The following WASF3 variants were observed in gnomAD, a reference collection of about 807,000 sequenced individuals.
The protein encoded by WASF3 is WASP family member 3.
A neutral mutation model predicts 46.6 loss-of-function variants in WASF3; 11 were observed. The observed-to-expected ratio is 0.24, with a 90% CI of 0.15 to 0.39. The LOEUF is 0.39. Among genes scored for constraint, WASF3 ranks in the 10% least tolerant of loss-of-function variants. The pLI is 1.00. For missense variants in WASF3, 576 were observed against 669.8 expected (o/e 0.86, Z 1.55); for synonymous variants, 242 against 259.7 (o/e 0.93, Z 0.65).
chr13:26,572,015 T>C (rs939295120), intron 1 of WASF3, among the ~76,000 whole-genome samples: 26 of 152,258 alleles, frequency 1.7e-4, no homozygotes, highest in African/African-American at 6.0e-4. Flanking sequence ...TCTTTGTGTA[T>C]GTGAAGACTA....
At chr13:26,684,292 C>G (rs1030465006) in intron 9 of WASF3, among the ~76,000 whole-genome samples, 4 of 150,942 alleles carry the variant, frequency 2.7e-5, no homozygotes, top group African/African-American at 9.8e-5. Context: ...TTTTTAACAC[C>G]TTATAAGCCC....
chr13:26,669,050 A>G (rs1270489966), intron 5 of WASF3, among the ~76,000 whole-genome samples: 1 of 152,160 alleles, frequency 6.6e-6, no homozygotes, highest in Non-Finnish European at 1.5e-5. Context: ...AAAAAATCAG[A>G]TAACCCAATG....
chr13:26,666,958 T>C (rs192638198), intron 4 of WASF3, among the ~76,000 whole-genome samples: 12 of 151,682 alleles, frequency 7.9e-5, no homozygotes, highest in Admixed American at 7.9e-4. Context: ...CCAGCCCCAA[T>C]TTTCTGAATC....
chr13:26,583,827 G>A (rs575109035), intron 1 of WASF3, among the ~76,000 whole-genome samples: 1 of 152,308 alleles, frequency 6.6e-6, no homozygotes, highest in South Asian at 2.1e-4. Flanking sequence ...AATAGCTACA[G>A]CAGCGGCAGA....
At chr13:26,576,304 T>C (rs1879794790) in intron 1 of WASF3, among the ~76,000 whole-genome samples, 1 of 152,194 alleles carries the variant, frequency 6.6e-6, no homozygotes, top group African/African-American at 2.4e-5. Flanking sequence ...TTTCCTGGGT[T>C]CAAGCCACTC....
chr13:26,569,364 T>A (rs1267819419), intron 1 of WASF3, among the ~76,000 whole-genome samples: 1 of 152,238 alleles, frequency 6.6e-6, no homozygotes, highest in Non-Finnish European at 1.5e-5. Flanking sequence ...TTTGAGTATA[T>A]TTTAGAAGAT....
intron 7 of WASF3, 113 bp downstream of exon 7, chr13:26,676,837 G>T: frequency 9.9e-7 from 1 of 1,008,920 alleles, no homozygotes; most frequent in South Asian, 2.3e-5. Context: ...GGCCCTTGAT[G>T]TCTTAAGATT....
At chr13:26,601,231 C>G (rs1443494417) in intron 1 of WASF3, among the ~76,000 whole-genome samples, 1 of 152,072 alleles carries the variant, frequency 6.6e-6, no homozygotes. Context: ...CATGGAATTC[C>G]ATTTATCTCA....
intron 1 of WASF3, among the ~76,000 whole-genome samples, chr13:26,604,583 G>C (rs757804582): frequency 6.6e-6 from 1 of 152,120 alleles, no homozygotes; most frequent in Non-Finnish European, 1.5e-5. Context: ...TGAAGAGTAA[G>C]TTACTGAACT....
chr13:26,666,195 A>C (rs1241140121), intron 4 of WASF3, among the ~76,000 whole-genome samples: 1 of 152,202 alleles, frequency 6.6e-6, no homozygotes, highest in African/African-American at 2.4e-5. Context: ...TCCAACAATA[A>C]GTATTAGTTG....
rs56028710 is a variant in WASF3 at position 26,645,506 on chromosome 13, C to T, written c.133+3103C>T. Among the ~76,000 whole-genome samples, 839 of 152,070 alleles carry T rather than the reference C, an allele frequency of 5.5e-3. 3 individuals are homozygous for T. Among genetic ancestry groups the T allele is most frequent in the Middle Eastern group, 0.014 (4 of 294 alleles). On this transcript the variant is annotated intron_variant, in intron 3 of 9. Transcript: ENST00000335327. ...TATCTGTAGTTTATTAGTGTTTATT[C>T]ATTCATTCTTCTTTGTATTTCATAG...
At position 26,679,435 on chromosome 13, in the gene WASF3, T is replaced by G. The variant is rs1883161364; in HGVS notation, c.717-1619T>G. 6.6e-6 allele frequency among the ~76,000 whole-genome samples: 1 copy of G among 152,208 alleles called. No homozygotes were observed. The highest frequency in any genetic ancestry group is 2.1e-4 in the South Asian group (1 of 4,832). On this transcript the variant is annotated intron_variant, in intron 7 of 9. Coordinates refer to ENST00000335327, the MANE Select transcript of WASF3 (RefSeq NM_006646.6). This position sits in a 1 kb window ranked among gnomAD's most constrained non-coding sequence, Gnocchi z 4.8. ...TATCGAGTCTTCCTTCACTTCTGCC[T>G]CCATCTGGTTAGCCCCTTTTCCTTG...
At chr13:26,565,753 C>T (rs1879445482) in intron 1 of WASF3, among the ~76,000 whole-genome samples, 1 of 152,184 alleles carries the variant, frequency 6.6e-6, no homozygotes, top group South Asian at 2.1e-4. Context: ...TAAAAGGTTA[C>T]TCCTTTTCAA....
intron 1 of WASF3, among the ~76,000 whole-genome samples, chr13:26,606,361 T>C (rs1437904514): frequency 8.0e-6 from 1 of 125,440 alleles, no homozygotes; most frequent in African/African-American, 2.9e-5. Context: ...TGTGTGTGTG[T>C]GTGTCTGTGG....
At chr13:26,559,240 CAA>C (rs1879203392) in intron 1 of WASF3, among the ~76,000 whole-genome samples, 1 of 152,212 alleles carries the variant, frequency 6.6e-6, no homozygotes, top group African/African-American at 2.4e-5. Context: ...TTGGTATTCA[CAA>C]AAGCTGTGTC....
chr13:26,577,218 A>C, intron 1 of WASF3: 1 of 736,228 alleles, frequency 1.4e-6, no homozygotes, highest in Non-Finnish European at 2.5e-6. Flanking sequence ...AATGTGTTCC[A>C]TGGTCAAAAA....
chr13:26,582,649 C>A (rs1880014908), intron 1 of WASF3, among the ~76,000 whole-genome samples: 2 of 123,220 alleles, frequency 1.6e-5, no homozygotes, highest in Admixed American at 2.2e-4. Flanking sequence ...TACACTCTAG[C>A]CTGGGTGACC....
chr13:26,590,877 A>G (rs1274765470), intron 1 of WASF3, among the ~76,000 whole-genome samples: 1 of 152,200 alleles, frequency 6.6e-6, no homozygotes, highest in Non-Finnish European at 1.5e-5. Context: ...AATTATTCAC[A>G]TGTAGCATAT....
intron 2 of WASF3, among the ~76,000 whole-genome samples, chr13:26,625,017 T>G (rs972946484): frequency 1.3e-5 from 2 of 152,140 alleles, no homozygotes; most frequent in African/African-American, 4.8e-5. Flanking sequence ...AGAAGGGGCA[T>G]CAGATGGCGG....
Sources: allele counts gnomAD v4.1 joint callset (sites outside exome capture counted in the v4.1 genomes callset), GRCh38; gene constraint gnomAD v4.1.1; non-coding constraint Gnocchi (gnomAD v3.1); transcripts MANE v1.5; gene names NCBI Gene and HGNC (gene_info 2026-07-23, HGNC 2026-07-21).